YWHAZ: variants seen among roughly 807,000 people sequenced by gnomAD.
YWHAZ encodes tyrosine 3-monooxygenase/tryptophan 5-monooxygenase activation protein zeta, also known as 14-3-3 protein zeta/delta.
For missense variants in YWHAZ, 79 were observed against 284.8 expected, an observed-to-expected ratio of 0.28 and a Z score of 5.20; for synonymous variants, 87 against 103.6, an observed-to-expected ratio of 0.84 and a Z score of 0.97.
At chr8:100,952,105 C>T, upstream of YWHAZ, 1 of 986,862 alleles carries the variant, frequency 1.0e-6, no homozygotes, top group Non-Finnish European at 1.2e-6. Context: ...AGGGGCACCA[C>T]ACGCACGATG....
chr8:100,945,355 G>T (rs371604329), intron 2 of YWHAZ, among the ~76,000 whole-genome samples: 11 of 152,108 alleles, frequency 7.2e-5, no homozygotes, highest in African/African-American at 2.7e-4. Flanking sequence ...GAAAAACTCA[G>T]AACTTTGGAG....
Position 100,951,295 on chromosome 8 carries a change from C to G in YWHAZ, c.-12+634G>C, listed in dbSNP as rs557074372. On this transcript the variant is annotated intron_variant, in intron 1 of 5. Transcript: ENST00000395958. ...CCCGCTCTCGGCCAGGCCTTTCCCT[C>G]GCGCTTGGGTCCCCGAGGCCCCCGG... is the stretch of plus-strand genomic sequence containing the variant. 536 of 984,728 alleles carry G rather than the reference C, an allele frequency of 5.4e-4. 5 individuals are homozygous for G. In the African/African-American group the frequency reaches 8.3e-3, roughly 15 times the overall value. 61.0% of individuals were successfully genotyped at this position (984,728 alleles called of 1,614,324 possible). A position where few individuals can be genotyped will look rare whatever the true frequency, so the allele number is the denominator to read the frequency against.
chr8:100,951,371 G>A (rs1810760065), intron 1 of YWHAZ: 3 of 984,382 alleles, frequency 3.0e-6, no homozygotes, highest in African/African-American at 1.7e-5. Flanking sequence ...GCCGGGTCCC[G>A]CCGCCGCAGC....
rs1244256767 is a variant in YWHAZ, at chr8:100,924,652, T to A, written c.418+264A>T. ...CAGCTAATTTTCAAAATATTTTTTG[T>A]AGAGAGAGATGTTGCTCAGGCTGGT... On this transcript the variant is annotated intron_variant, in intron 3 of 5. Transcript: ENST00000395958. This position sits in a 1 kb window ranked among gnomAD's most constrained non-coding sequence, Gnocchi z 5.7. Among the ~76,000 whole-genome samples, 2 of 152,172 alleles carry A rather than the reference T, an allele frequency of 1.3e-5. No homozygotes were observed. The highest frequency in any genetic ancestry group is 2.9e-5 in the Non-Finnish European group (2 of 68,034).
chr8:100,953,147 A>T, upstream of YWHAZ: 1 of 986,000 alleles, frequency 1.0e-6, no homozygotes. Flanking sequence ...TGGTCCTGGC[A>T]GCCTTGACCC....
In YWHAZ at chr8:100,916,761, T is replaced by C. The variant is rs867322034; in HGVS notation, c.*3932A>G. 6 of 152,226 alleles carry C rather than the reference T, an allele frequency of 3.9e-5. No individual in the cohort carries two copies. The highest frequency in any genetic ancestry group is 7.3e-5 in the Non-Finnish European group (5 of 68,034). 9.4% of individuals were successfully genotyped at this position (152,226 alleles called of 1,614,324 possible). On this transcript the variant is annotated 3_prime_UTR_variant, in exon 6 of 6. Transcript: ENST00000395958. ...TGCTTCTGCATCCCAGAGACATATA[T>C]GCCTGCTTGTCTGGCAAGGTTGGAC...
In YWHAZ at chr8:100,920,589, C is replaced by T; in HGVS notation, c.*104G>A. On this transcript the variant is annotated 3_prime_UTR_variant, in exon 6 of 6. Coordinates refer to ENST00000395958, the MANE Select transcript of YWHAZ (RefSeq NM_145690.3). The stretch of plus-strand genomic sequence containing the variant: ...GAAATTCAAATAGAAGTAACATAAA[C>T]CTGTCATAAATCGTAAACAAAAAAC... 3.7e-6 allele frequency: 4 copies of T among 1,088,478 alleles called. No individual in the cohort carries two copies. In the South Asian group the frequency reaches 3.9e-5, roughly 11 times the overall value. 67.4% of individuals were successfully genotyped at this position (1,088,478 alleles called of 1,614,324 possible). A position where few individuals can be genotyped will look rare whatever the true frequency, so the allele number is the denominator to read the frequency against.
At chr8:100,928,529 C>T (rs570240554) in intron 2 of YWHAZ, among the ~76,000 whole-genome samples, 2 of 151,878 alleles carry the variant, frequency 1.3e-5, no homozygotes, top group Non-Finnish European at 2.9e-5. Flanking sequence ...GTCAGGAGTT[C>T]GAGACCAGCC....
Position 100,946,652 on chromosome 8 carries a change from G to A in YWHAZ, c.294+1944C>T, listed in dbSNP as rs1257188497. Among the ~76,000 whole-genome samples the A allele has an allele frequency of 4.6e-5, 7 of 151,970 alleles. No homozygotes were observed. The South Asian group carries it at 1.5e-3, about 32-fold the overall frequency. On this transcript the variant is annotated intron_variant, in intron 2 of 5. Transcript: ENST00000395958. Reference sequence around the variant, plus strand: ...ACAGGAACTTTTATACTTTGTATATGGAAAACATGCACATACCTACCTGGT... The same window carrying A: ...ACAGGAACTTTTATACTTTGTATATAGAAAACATGCACATACCTACCTGGT...
intron 1 of YWHAZ, chr8:100,951,134 G>A (rs1341806739): frequency 5.1e-6 from 5 of 981,008 alleles, no homozygotes; most frequent in South Asian, 4.7e-5. Context: ...CCACCGCGGA[G>A]CCCAGGAAAT....
intron 2 of YWHAZ, among the ~76,000 whole-genome samples, chr8:100,938,578 A>C (rs1179556238): frequency 6.6e-6 from 1 of 152,194 alleles, no homozygotes; most frequent in African/African-American, 2.4e-5. Context: ...GTGTAGTTCA[A>C]ATTTCTGGTC....
intron 2 of YWHAZ, among the ~76,000 whole-genome samples, chr8:100,938,962 C>T (rs1397434502): frequency 6.6e-6 from 1 of 152,216 alleles, no homozygotes; most frequent in Non-Finnish European, 1.5e-5. Flanking sequence ...AACATATGTT[C>T]TATAAATAAG....
chr8:100,937,565 G>A (rs180838361), intron 2 of YWHAZ, among the ~76,000 whole-genome samples: 45 of 152,292 alleles, frequency 3.0e-4, no homozygotes, highest in Middle Eastern at 6.8e-3. Context: ...TGAAATTTGC[G>A]AATACAGCTG....
intron 2 of YWHAZ, among the ~76,000 whole-genome samples, chr8:100,942,007 G>A (rs1210430886): frequency 1.3e-5 from 2 of 152,096 alleles, no homozygotes; most frequent in Non-Finnish European, 2.9e-5. Flanking sequence ...ATTAATACTT[G>A]GCTGAAACTA....
intron 1 of YWHAZ, chr8:100,951,396 C>A: frequency 1.0e-6 from 1 of 968,210 alleles, no homozygotes; most frequent in Non-Finnish European, 1.2e-6. Flanking sequence ...AGCGCGGAGG[C>A]TGCGCGAGGG....
rs1272264854 is a variant in YWHAZ, at chr8:100,920,687, G to A, written c.*6C>T. The A allele has an allele frequency of 2.5e-6, 4 of 1,609,534 alleles. No homozygotes were observed. The highest frequency in any genetic ancestry group is 3.4e-6 in the Non-Finnish European group (4 of 1,177,448). ...AGAATGAGGCAGACAAAAGTTGGAA[G>A]GCCGGTTAATTTTCCCCTCCTTCTC... On this transcript the variant is annotated 3_prime_UTR_variant, in exon 6 of 6. Coordinates refer to ENST00000395958, the MANE Select transcript of YWHAZ (RefSeq NM_145690.3).
intron 2 of YWHAZ, among the ~76,000 whole-genome samples, chr8:100,926,214 T>C (rs907237948): frequency 3.9e-5 from 6 of 151,974 alleles, no homozygotes; most frequent in Non-Finnish European, 7.4e-5. Flanking sequence ...TTTTTTTTTT[T>C]TTTTACAACT....
intron 1 of YWHAZ, chr8:100,950,429 T>C (rs1430465387): frequency 4.1e-6 from 4 of 985,444 alleles, no homozygotes; most frequent in Non-Finnish European, 4.8e-6. Context: ...TCGGTTACTG[T>C]GAAACGAAAA....
Position 100,916,857 on chromosome 8 carries a change from C to T in YWHAZ, c.*3836G>A, listed in dbSNP as rs1812731780. 6.6e-6 allele frequency: 1 copy of T among 152,114 alleles called. No individual in the cohort carries two copies. The highest frequency in any genetic ancestry group is 1.5e-5 in the Non-Finnish European group (1 of 68,020). The allele number at this position is 152,114 out of a possible 1,614,324, so 9.4% of individuals were successfully genotyped here. On this transcript the variant is annotated 3_prime_UTR_variant, in exon 6 of 6. Coordinates refer to ENST00000395958, the MANE Select transcript of YWHAZ (RefSeq NM_145690.3). ...CTAGAATCAATCAAGGAGACTGTGA[C>T]TACTACCAGTCACATAAAAGTATTT...
Sources: gnomAD v4.1 joint callset for allele counts (sites outside exome capture counted in the v4.1 genomes callset) on GRCh38, gnomAD v4.1.1 for gene constraint, Gnocchi (gnomAD v3.1) non-coding constraint, MANE v1.5 for transcripts, NCBI Gene and HGNC (gene_info 2026-07-23, HGNC 2026-07-21) for gene names.